The following FCHSD2 variants were observed in gnomAD, a reference collection of about 807,000 sequenced individuals.
The protein encoded by FCHSD2 is FCH and double SH3 domains 2.
A neutral mutation model predicts 108.1 loss-of-function variants in FCHSD2; 38 were observed. That is an observed-to-expected ratio of 0.35 (90% CI 0.27 to 0.46). The LOEUF is 0.46. FCHSD2 is among the 20% of genes least tolerant of loss of function. The probability of loss-of-function intolerance (pLI) is 1.00; values close to 1 mark genes in which losing one functional copy is unlikely to be tolerated. For synonymous variants in FCHSD2, 279 were observed against 314.7 expected (o/e 0.89, Z 1.20); for missense variants, 751 against 897.8 (o/e 0.84, Z 2.09).
intron 8 of FCHSD2, among the ~76,000 whole-genome samples, chr11:72,961,574 G>A (rs990141777): frequency 7.2e-5 from 11 of 152,012 alleles, no homozygotes; most frequent in Admixed American, 3.9e-4. Flanking sequence ...TTTTAAATGC[G>A]GATGTGTAGT....
At chr11:73,055,829 T>C (rs1483658063) in intron 3 of FCHSD2, among the ~76,000 whole-genome samples, 1 of 152,094 alleles carries the variant, frequency 6.6e-6, no homozygotes, top group Non-Finnish European at 1.5e-5. Context: ...GGCAAATTTA[T>C]AGAAACAGAA....
intron 8 of FCHSD2, among the ~76,000 whole-genome samples, chr11:72,924,090 T>C (rs1274288073): frequency 6.6e-6 from 1 of 152,168 alleles, no homozygotes; most frequent in Non-Finnish European, 1.5e-5. Flanking sequence ...TGAAAGTTTC[T>C]TTTGATGTAC....
intron 3 of FCHSD2, among the ~76,000 whole-genome samples, chr11:73,049,061 G>C (rs2135473040): frequency 6.6e-6 from 1 of 152,282 alleles, no homozygotes; most frequent in Non-Finnish European, 1.5e-5. Context: ...TCTCAAAGGA[G>C]TAAAAAGTCC....
Position 72,838,732 on chromosome 11 carries a change from A to G in FCHSD2, c.*59T>C, listed in dbSNP as rs1467157548. Reference sequence around the variant, plus strand: ...CATGCAAAGGTGCCTAAAAAACAAGACTGGCCAAACTCCAAGCCTGGCCTT... The same window carrying G: ...CATGCAAAGGTGCCTAAAAAACAAGGCTGGCCAAACTCCAAGCCTGGCCTT... On this transcript the variant is annotated 3_prime_UTR_variant, in exon 20 of 20. Coordinates refer to ENST00000409418, the MANE Select transcript of FCHSD2 (RefSeq NM_014824.3). The G allele has an allele frequency of 7.0e-7, 1 of 1,428,884 alleles. No individual in the cohort carries two copies. Among genetic ancestry groups the G allele is most frequent in the African/African-American group, 1.4e-5 (1 of 70,898 alleles). The allele number at this position is 1,428,884 out of a possible 1,614,324, so 88.5% of individuals were successfully genotyped here.
At chr11:72,929,838 A>G (rs978323712) in intron 8 of FCHSD2, among the ~76,000 whole-genome samples, 14 of 152,188 alleles carry the variant, frequency 9.2e-5, no homozygotes, top group Non-Finnish European at 2.1e-4. Context: ...GATTTTCCCA[A>G]AAGACCCTTA....
At chr11:73,082,335 CA>C (rs750423401) in intron 3 of FCHSD2, among the ~76,000 whole-genome samples, 742 of 34,396 alleles carry the variant, frequency 0.022, no homozygotes, top group African/African-American at 0.057. Flanking sequence ...AGACTTGTCC[CA>C]AAAAAAAAAA....
intron 2 of FCHSD2, among the ~76,000 whole-genome samples, chr11:73,138,498 GA>G (rs374707465): frequency 2.8e-4 from 43 of 151,994 alleles, no homozygotes; most frequent in Non-Finnish European, 5.6e-4. Flanking sequence ...AACTGCTTCT[GA>G]AAATGTATTA....
intron 8 of FCHSD2, among the ~76,000 whole-genome samples, chr11:72,926,954 T>A (rs1856089027): frequency 6.6e-6 from 1 of 152,360 alleles, no homozygotes; most frequent in Admixed American, 6.5e-5. Context: ...GCACTAGTAG[T>A]ACCTAACTAC....
At chr11:72,843,008 A>G in intron 16 of FCHSD2, 143 bp downstream of exon 16, 1 of 915,082 alleles carries the variant, frequency 1.1e-6, no homozygotes. Context: ...TCTACTGTGC[A>G]GGACAAACGT....
chr11:72,882,353 G>A (rs983712630), intron 12 of FCHSD2, among the ~76,000 whole-genome samples: 3 of 151,604 alleles, frequency 2.0e-5, no homozygotes, highest in South Asian at 2.1e-4. Context: ...GCAAGACTTC[G>A]TCTCAAAAAA....
intron 2 of FCHSD2, among the ~76,000 whole-genome samples, chr11:73,102,064 GAACA>G (rs1378313160): frequency 4.6e-5 from 7 of 152,260 alleles, no homozygotes; most frequent in African/African-American, 1.2e-4. Context: ...TTTTAAATAT[GAACA>G]AATGATTTGA....
Position 72,836,780 on chromosome 11 carries a change from A to G in FCHSD2, c.*2011T>C, listed in dbSNP as rs1183461873. On this transcript the variant is annotated 3_prime_UTR_variant, in exon 20 of 20. Coordinates refer to ENST00000409418, the MANE Select transcript of FCHSD2 (RefSeq NM_014824.3). ...TTTTTTATTATTCAACATTTTATAC[A>G]TAATAAATACAAACTTTTTACAGCC... 2.6e-5 allele frequency: 4 copies of G among 152,622 alleles called. No individual in the cohort carries two copies. Among genetic ancestry groups the G allele is most frequent in the Admixed American group, 6.5e-5 (1 of 15,276 alleles). The allele number at this position is 152,622 out of a possible 1,614,324, so 9.5% of individuals were successfully genotyped here.
rs376735962 is a variant in FCHSD2 at position 72,841,587 on chromosome 11, C to T, written c.1927-4G>A. The T allele has an allele frequency of 3.1e-4, 497 of 1,598,826 alleles. 1 individual carries two copies. The highest frequency in any genetic ancestry group is 1.3e-3 in the South Asian group (114 of 88,774). On this transcript the variant is annotated splice_polypyrimidine_tract_variant and splice_region_variant and intron_variant, in intron 17 of 19. Transcript: ENST00000409418. Reference sequence around the variant, plus strand: ...GTGGCTTGGGGGAAGGAGAGATCTGCAGCAAAGGGAAGCGAGGTTACCCGG... The same window carrying T: ...GTGGCTTGGGGGAAGGAGAGATCTGTAGCAAAGGGAAGCGAGGTTACCCGG...
chr11:72,844,713 C>T (rs865831041), intron 14 of FCHSD2, among the ~76,000 whole-genome samples: 25 of 152,104 alleles, frequency 1.6e-4, no homozygotes, highest in Admixed American at 3.9e-4. Context: ...AAAACCATCA[C>T]CTAAAACCAT....
chr11:72,841,547 G>A lies in FCHSD2; in HGVS notation c.1963C>T (p.Pro655Ser). The A allele has an allele frequency of 9.9e-6, 16 of 1,610,822 alleles. No individual in the cohort carries two copies. The highest frequency in any genetic ancestry group is 1.3e-5 in the Non-Finnish European group (15 of 1,178,716). The change falls in exon 18 of 20, where the codon CCA becomes TCA. Residue 655 changes from proline to serine, a missense_variant. By Grantham distance (74) the Pro-to-Ser change is moderately conservative. Transcript: ENST00000409418. The stretch of plus-strand genomic sequence containing the variant: ...GGAGGCTGGTCGTACAACGGCAGTG[G>A]AGGCAGGGAGGCGTGTGGCTTGGGG... ...PSPKPHASLPPLPLYDQPPSS... is the reference protein window; with the variant it reads ...PSPKPHASLPSLPLYDQPPSS...
At chr11:73,080,296 CAAAAAAAAAA>C (rs370633105) in intron 3 of FCHSD2, among the ~76,000 whole-genome samples, 20 of 52,300 alleles carry the variant, frequency 3.8e-4, no homozygotes, top group African/African-American at 8.7e-4. Context: ...GACCCTGTCT[CAAAAAAAAAA>C]AAAAAAAAAA....
At chr11:73,098,575 G>A (rs1236354018) in intron 2 of FCHSD2, among the ~76,000 whole-genome samples, 1 of 151,946 alleles carries the variant, frequency 6.6e-6, no homozygotes, top group Non-Finnish European at 1.5e-5. Flanking sequence ...TTTACAGTAT[G>A]GTTAGTTGGA....
At chr11:72,913,414 A>G (rs1855804103) in intron 9 of FCHSD2, among the ~76,000 whole-genome samples, 1 of 152,160 alleles carries the variant, frequency 6.6e-6, no homozygotes, top group South Asian at 2.1e-4. Flanking sequence ...GATTTCAGGC[A>G]TGTGCCACCA....
At chr11:73,083,612 T>C (rs973497421) in intron 3 of FCHSD2, 83 bp downstream of exon 3, 12 of 793,930 alleles carry the variant, frequency 1.5e-5, no homozygotes, top group African/African-American at 7.0e-5. Flanking sequence ...AGGGATAATA[T>C]GGCTTCTCTC....
Sources: gnomAD v4.1 joint callset for allele counts (sites outside exome capture counted in the v4.1 genomes callset) on GRCh38, gnomAD v4.1.1 for gene constraint, MANE v1.5 for transcripts, NCBI Gene and HGNC (gene_info 2026-07-23, HGNC 2026-07-21) for gene names.